The following TRIP12 variants were observed in gnomAD, a reference collection of about 807,000 sequenced individuals.
TRIP12 encodes the protein thyroid hormone receptor interactor 12, also known as E3 ubiquitin-protein ligase TRIP12.
A neutral mutation model predicts 244.2 loss-of-function variants in TRIP12; 25 were observed. The observed-to-expected ratio is 0.10, with a 90% CI of 0.07 to 0.14. The LOEUF is 0.14. Among genes scored for constraint, TRIP12 ranks in the 10% least tolerant of loss-of-function variants. The pLI, the probability that TRIP12 is intolerant of heterozygous loss-of-function variation, is 1.00. For synonymous variants in TRIP12, 905 were observed against 873.1 expected (o/e 1.04, Z -0.64); for missense variants, 1,677 against 2,486.4 (o/e 0.67, Z 6.92).
intron 2 of TRIP12, among the ~76,000 whole-genome samples, chr2:229,862,585 G>T (rs1428466346): frequency 6.6e-6 from 1 of 152,074 alleles, no homozygotes; most frequent in South Asian, 2.1e-4. Flanking sequence ...AACTCATTCT[G>T]AAAGAAAACT....
At chr2:229,794,721 A>AC (rs1463269441) in intron 26 of TRIP12, 1 of 152,150 alleles carries the variant, frequency 6.6e-6, no homozygotes, top group Non-Finnish European at 1.5e-5. Context: ...TACATTAAAA[A>AC]TATATATATT....
chr2:229,900,005 A>T (rs1447976375), intron 1 of TRIP12, among the ~76,000 whole-genome samples: 1 of 152,244 alleles, frequency 6.6e-6, no homozygotes, highest in Admixed American at 6.5e-5. Flanking sequence ...AAGAAAGCCT[A>T]TGGAAGTTCT....
At chr2:229,830,702 A>G (rs973384105) in intron 7 of TRIP12, 54 bp downstream of exon 7, 2 of 1,483,480 alleles carry the variant, frequency 1.3e-6, no homozygotes, top group Non-Finnish European at 1.9e-6. Context: ...AAAGAATGGT[A>G]TTAACAGGTA....
intron 40 of TRIP12, 131 bp from the exon 41 acceptor site, chr2:229,768,850 T>A: frequency 1.2e-6 from 1 of 840,746 alleles, no homozygotes; most frequent in South Asian, 1.9e-5. Flanking sequence ...TCCATTACAA[T>A]GTACTTAAAT....
At chr2:229,831,209 G>GT in intron 6 of TRIP12, 1 of 683,718 alleles carries the variant, frequency 1.5e-6, no homozygotes, top group Non-Finnish European at 2.7e-6. Context: ...TGGCCAATTA[G>GT]TAACAAAAAT....
chr2:229,905,177 G>A (rs1418140930), intron 1 of TRIP12, among the ~76,000 whole-genome samples: 1 of 152,020 alleles, frequency 6.6e-6, no homozygotes, highest in Non-Finnish European at 1.5e-5. Context: ...GGGAGGGTGA[G>A]GCAGGAGAAT....
chr2:229,909,089 CAAAAAAAAAA>C (rs11390500), intron 1 of TRIP12, among the ~76,000 whole-genome samples: 2 of 110,718 alleles, frequency 1.8e-5, no homozygotes, highest in Non-Finnish European at 3.6e-5. Context: ...GACTCTGTCT[CAAAAAAAAAA>C]AAAAAAAAGA....
At chr2:229,897,222 G>T (rs2069095362) in intron 1 of TRIP12, among the ~76,000 whole-genome samples, 1 of 152,174 alleles carries the variant, frequency 6.6e-6, no homozygotes, top group Non-Finnish European at 1.5e-5. Context: ...CAGTGACACT[G>T]CAATTCTCAA....
At chr2:229,889,669 T>A (rs2066867420) in intron 1 of TRIP12, among the ~76,000 whole-genome samples, 1 of 152,188 alleles carries the variant, frequency 6.6e-6, no homozygotes, top group African/African-American at 2.4e-5. Context: ...CAGTTCCAAA[T>A]TTTTTAAGAC....
At position 229,815,304 on chromosome 2, in the gene TRIP12, G is replaced by A. The variant is rs756464081; in HGVS notation, c.1604C>T (p.Thr535Met). 1.6e-5 allele frequency: 23 copies of A among 1,425,010 alleles called. No homozygotes were observed. The highest frequency in any genetic ancestry group is 2.0e-5 in the Non-Finnish European group (20 of 1,022,084). The allele number at this position is 1,425,010 out of a possible 1,614,324, so 88.3% of individuals were successfully genotyped here. A position where few individuals can be genotyped will look rare whatever the true frequency, so the allele number is the denominator to read the frequency against. Residue 535 changes from threonine (T) to methionine (M), a missense_variant, in exon 10 of 42, where the codon ACG becomes ATG. Thr to Met is a moderately conservative substitution (Grantham distance 81). Transcript: ENST00000675903. ...PVKSVVPALI[T>M]LLQMEHNFDI... ...AAAATTGTGCTCCATCTGAAGTAAC[G>A]TAATCTGTTAAAAAGATAACAAAAT...
At chr2:229,779,801 C>A (rs80305756) in intron 34 of TRIP12, among the ~76,000 whole-genome samples, 106 of 152,196 alleles carry the variant, frequency 7.0e-4, no homozygotes, top group Non-Finnish European at 1.3e-3. Context: ...GGTGACTGTG[C>A]AGCCTAAAGT....
At chr2:229,828,779 T>C (rs1421824613) in intron 8 of TRIP12, among the ~76,000 whole-genome samples, 1 of 151,816 alleles carries the variant, frequency 6.6e-6, no homozygotes, top group Non-Finnish European at 1.5e-5. Flanking sequence ...AAAAAATATA[T>C]ATATATAAAA....
At chr2:229,791,824 C>A in intron 29 of TRIP12, 42 bp downstream of exon 29, 1 of 1,599,268 alleles carries the variant, frequency 6.3e-7, no homozygotes, top group South Asian at 1.1e-5. Flanking sequence ...AGAACAGTTT[C>A]AAAGTTTATG....
chr2:229,836,793 C>A lies in TRIP12; in HGVS notation c.1270+55G>T, dbSNP rs973899852. The A allele has an allele frequency of 9.7e-6, 15 of 1,549,880 alleles. No homozygotes were observed. The African/African-American group carries it at 1.8e-4, about 19-fold the overall frequency. On this transcript the variant is annotated intron_variant, in intron 6 of 41. Coordinates refer to ENST00000675903, the MANE Select transcript of TRIP12 (RefSeq NM_001348323.3). ...CCTAGCATACTTCCCTCCCTCTGCC[C>A]ATCAAATCTGTAAAAGACAGAAACG...
At position 229,855,813 on chromosome 2, in the gene TRIP12, G is replaced by A. The variant is rs186034310; in HGVS notation, c.1027+2959C>T. Among the ~76,000 whole-genome samples, 97 of 151,954 alleles carry A rather than the reference G, an allele frequency of 6.4e-4. 1 individual carries two copies. The highest frequency in any genetic ancestry group is 2.0e-3 in the African/African-American group (82 of 41,438). On this transcript the variant is annotated intron_variant, in intron 4 of 41. Transcript: ENST00000675903. Reference sequence around the variant, plus strand: ...TCCCAGCACTTTGGAAGGCTGAGGCGGGCAGATCACCTGAAGTCGGGAGTT... The same window carrying A: ...TCCCAGCACTTTGGAAGGCTGAGGCAGGCAGATCACCTGAAGTCGGGAGTT...
chr2:229,852,063 T>C (rs1450663948), intron 4 of TRIP12, among the ~76,000 whole-genome samples: 1 of 152,230 alleles, frequency 6.6e-6, no homozygotes, highest in African/African-American at 2.4e-5. Context: ...TTTCTAGAAT[T>C]TGGCTTTTGC....
intron 7 of TRIP12, 95 bp from the exon 8 acceptor site, chr2:229,829,383 T>C (rs1310095502): frequency 2.1e-6 from 2 of 940,316 alleles, no homozygotes; most frequent in African/African-American, 3.3e-5. Flanking sequence ...CTCGCTTAAC[T>C]GATTCAGTCA....
rs538095119 is a variant in TRIP12 at position 229,764,735 on chromosome 2, A to T, written c.*2819T>A. On this transcript the variant is annotated 3_prime_UTR_variant, in exon 42 of 42. Transcript: ENST00000675903. Reference sequence around the variant, plus strand: ...GGCCTTCTGTGGTAGGATGTATAGGATGCCCTAGGGAAGTCACTCCACAAT... The same window carrying T: ...GGCCTTCTGTGGTAGGATGTATAGGTTGCCCTAGGGAAGTCACTCCACAAT... 16 of 152,342 alleles carry T rather than the reference A, an allele frequency of 1.1e-4. No individual in the cohort carries two copies. Among genetic ancestry groups the T allele is most frequent in the South Asian group, 1.0e-3 (5 of 4,826 alleles). 9.4% of individuals were successfully genotyped at this position (152,342 alleles called of 1,614,324 possible).
In TRIP12 at chr2:229,769,108, C is replaced by T. The variant is rs571280991; in HGVS notation, c.5903+123G>A. On this transcript the variant is annotated intron_variant, in intron 40 of 41. Transcript: ENST00000675903. ...AAGTAAGCATCCATTAACAGGTAGA[C>T]ACATTTTAAAATGAACCACTCCAAC... 21 of 757,220 alleles carry T rather than the reference C, an allele frequency of 2.8e-5. No individual in the cohort carries two copies. In the East Asian group the frequency reaches 5.7e-4, roughly 21 times the overall value. 46.9% of individuals were successfully genotyped at this position (757,220 alleles called of 1,614,324 possible).
Sources: gnomAD v4.1 joint callset for allele counts (sites outside exome capture counted in the v4.1 genomes callset) on GRCh38, gnomAD v4.1.1 for gene constraint, MANE v1.5 for transcripts, NCBI Gene and HGNC (gene_info 2026-07-23, HGNC 2026-07-21) for gene names.